Variants in PLD5 observed in about 807,000 individuals in gnomAD.
PLD5 encodes phospholipase D family member 5.
A neutral mutation model predicts 61.1 loss-of-function variants in PLD5; 36 were observed. The observed-to-expected ratio is 0.59, with a 90% CI of 0.45 to 0.78. PLD5 has a LOEUF of 0.78. PLD5 is among the 30% of genes least tolerant of loss of function. The pLI is 0.00. For synonymous variants in PLD5, 243 were observed against 242.8 expected (o/e 1.00, Z -0.01); for missense variants, 515 against 644.4 (o/e 0.80, Z 2.17).
chr1:242,307,896 C>G (rs1574705976), intron 2 of PLD5, among the ~76,000 whole-genome samples: 4 of 152,198 alleles, frequency 2.6e-5, no homozygotes, highest in Middle Eastern at 6.8e-3. Flanking sequence ...GAGCTGTTAT[C>G]AATCCTTCAA....
At chr1:242,102,485 TA>T (rs1414033211) in intron 8 of PLD5, among the ~76,000 whole-genome samples, 1 of 152,190 alleles carries the variant, frequency 6.6e-6, no homozygotes, top group African/African-American at 2.4e-5. Flanking sequence ...TAAAAAAAAC[TA>T]AAAAATCAGC....
intron 8 of PLD5, among the ~76,000 whole-genome samples, chr1:242,107,087 A>T (rs935645270): frequency 1.3e-5 from 2 of 152,146 alleles, no homozygotes; most frequent in African/African-American, 2.4e-5. Flanking sequence ...ACGACGAGGC[A>T]TCTGGGCGGG....
chr1:242,232,352 T>TAA (rs1671363075), intron 4 of PLD5, among the ~76,000 whole-genome samples: 2 of 152,306 alleles, frequency 1.3e-5, no homozygotes, highest in African/African-American at 4.8e-5. Context: ...ATACTGAAGA[T>TAA]AAAAGTATTT....
rs1303287320 is a variant in PLD5 at position 242,124,658 on chromosome 1, T to A, written c.743A>T (p.Glu248Val). The A allele has an allele frequency of 6.2e-7, 1 of 1,612,210 alleles. No homozygotes were observed. Among genetic ancestry groups the A allele is most frequent in the Non-Finnish European group, 8.5e-7 (1 of 1,179,002 alleles). The stretch of plus-strand genomic sequence containing the variant: ...GCAGTTGTAGAAGATGACACCGAGT[T>A]CTTTCATCTGTGAAATTAAAATTGA... Reference protein sequence around the residue: ...LDWQSLGQMKELGVIFYNCSC... With the variant: ...LDWQSLGQMKVLGVIFYNCSC... The change falls in exon 6 of 10, where the codon GAA becomes GTA. Residue 248 changes from glutamate (E) to valine (V), a missense_variant. Physicochemically the swap from Glu to Val is moderately radical, Grantham distance 121 (BLOSUM62 -2). Coordinates refer to ENST00000536534, the MANE Select transcript of PLD5 (RefSeq NM_001372062.1).
At chr1:242,344,557 C>T (rs1422182181) in intron 2 of PLD5, among the ~76,000 whole-genome samples, 1 of 152,132 alleles carries the variant, frequency 6.6e-6, no homozygotes, top group Non-Finnish European at 1.5e-5. Context: ...TTTGGAGGAA[C>T]AAGGAGATAA....
intron 4 of PLD5, among the ~76,000 whole-genome samples, chr1:242,249,063 C>G (rs1672557953): frequency 6.6e-6 from 1 of 152,092 alleles, no homozygotes; most frequent in South Asian, 2.1e-4. Flanking sequence ...TCGCAGTGGG[C>G]CAAGATGGCA....
chr1:242,522,443 T>C (rs1669309080), intron 1 of PLD5, among the ~76,000 whole-genome samples: 1 of 152,212 alleles, frequency 6.6e-6, no homozygotes, highest in South Asian at 2.1e-4. Flanking sequence ...CATTTAAGTA[T>C]AATGCGTGCA....
rs369757319 is a variant in PLD5, at chr1:242,261,824, G to A, written c.607+3513C>T. Among the ~76,000 whole-genome samples the A allele has an allele frequency of 1.2e-3, 176 of 152,302 alleles. 4 individuals carry two copies. The South Asian group carries it at 0.026, about 23-fold the overall frequency. ...CGGAATGGCTAAAATAAAACAAGGT[G>A]CCAAATTTTGCAAGGATGTGGAGCA... is the stretch of plus-strand genomic sequence containing the variant. On this transcript the variant is annotated intron_variant, in intron 4 of 9. Transcript: ENST00000536534.
intron 4 of PLD5, among the ~76,000 whole-genome samples, chr1:242,246,717 T>C (rs997410113): frequency 6.6e-6 from 1 of 152,110 alleles, no homozygotes; most frequent in African/African-American, 2.4e-5. Context: ...CAGGAAAAAA[T>C]CAAACTCGGT....
intron 1 of PLD5, among the ~76,000 whole-genome samples, chr1:242,503,341 C>T (rs934871150): frequency 6.6e-6 from 1 of 152,202 alleles, no homozygotes; most frequent in Admixed American, 6.5e-5. Context: ...TGCCAGGCGT[C>T]GTCCTGCTTC....
chr1:242,239,509 T>C (rs989809836), intron 4 of PLD5, among the ~76,000 whole-genome samples: 4 of 152,060 alleles, frequency 2.6e-5, no homozygotes, highest in Non-Finnish European at 5.9e-5. Flanking sequence ...TGTGTGTGGC[T>C]GAGGAAATGT....
rs1659397104 is a variant in PLD5, at chr1:242,085,248, A to G, written c.*4606T>C. The G allele has an allele frequency of 6.6e-6, 1 of 151,672 alleles. No homozygotes were observed. The highest frequency in any genetic ancestry group is 1.5e-5 in the Non-Finnish European group (1 of 67,882). 9.4% of individuals were successfully genotyped at this position (151,672 alleles called of 1,614,324 possible). ...CTATTAAATGTAACTTTTTTTTTTC[A>G]AATTGCCAAAAGAAGCGTTAATGAC... On this transcript the variant is annotated 3_prime_UTR_variant, in exon 10 of 10. Coordinates refer to ENST00000536534, the MANE Select transcript of PLD5 (RefSeq NM_001372062.1).
intron 1 of PLD5, among the ~76,000 whole-genome samples, chr1:242,447,061 G>A (rs1446643154): frequency 1.3e-5 from 2 of 151,990 alleles, no homozygotes; most frequent in African/African-American, 4.8e-5. Flanking sequence ...ATTACTAAAG[G>A]GTTTAAAACA....
intron 5 of PLD5, among the ~76,000 whole-genome samples, chr1:242,217,173 A>T (rs571777462): frequency 2.0e-4 from 31 of 152,364 alleles, no homozygotes; most frequent in Admixed American, 1.8e-3. Context: ...CTGATAACAC[A>T]ACATTCATTC....
chr1:242,121,680 T>C (rs956921320), intron 6 of PLD5, among the ~76,000 whole-genome samples: 15 of 152,010 alleles, frequency 9.9e-5, no homozygotes, highest in Admixed American at 9.2e-4. Flanking sequence ...AGCAAAGACT[T>C]GGAACCAACC....
rs1279074008 is a variant in PLD5, at chr1:242,207,884, A to T, written c.735+12104T>A. Among the ~76,000 whole-genome samples, 17 of 28,612 alleles carry T rather than the reference A, an allele frequency of 5.9e-4. 5 individuals are homozygous for T. The highest frequency in any genetic ancestry group is 2.3e-3 in the African/African-American group (15 of 6,558). The allele number at this position is 28,612 out of a possible 152,430, so 18.8% of individuals were successfully genotyped here. ...TTTATATATTTATATATATTTATAT[A>T]TTTATATATATTTATATATTTATAT... On this transcript the variant is annotated intron_variant, in intron 5 of 9. Coordinates refer to ENST00000536534, the MANE Select transcript of PLD5 (RefSeq NM_001372062.1).
intron 1 of PLD5, among the ~76,000 whole-genome samples, chr1:242,448,348 A>G (rs1264348329): frequency 6.6e-6 from 1 of 152,202 alleles, no homozygotes; most frequent in Non-Finnish European, 1.5e-5. Flanking sequence ...CCCTCCCTTC[A>G]TCACCAGTCT....
At chr1:242,178,956 C>T (rs1239691973) in intron 5 of PLD5, among the ~76,000 whole-genome samples, 2 of 152,184 alleles carry the variant, frequency 1.3e-5, no homozygotes, top group Non-Finnish European at 2.9e-5. Flanking sequence ...CCAGAAATTA[C>T]CCAGGGAACA....
At chr1:242,408,590 C>T (rs976306045) in intron 1 of PLD5, among the ~76,000 whole-genome samples, 1 of 152,200 alleles carries the variant, frequency 6.6e-6, no homozygotes, top group African/African-American at 2.4e-5. Context: ...TCCTTCTTCA[C>T]ATTCCTCCAT....
Sources: gnomAD v4.1 joint callset for allele counts (sites outside exome capture counted in the v4.1 genomes callset) on GRCh38, gnomAD v4.1.1 for gene constraint, MANE v1.5 for transcripts, NCBI Gene and HGNC (gene_info 2026-07-23, HGNC 2026-07-21) for gene names.